SYTL2: variants seen among roughly 807,000 people sequenced by gnomAD.
SYTL2 encodes synaptotagmin-like protein 2.
In SYTL2, 165 loss-of-function variants were observed where a neutral mutation model predicts 198.7. That is an observed-to-expected ratio of 0.83 (90% CI 0.73 to 0.94). The LOEUF (loss-of-function observed/expected upper bound fraction) is 0.94, where lower values mean the gene tolerates loss of function less well. Ranked by LOEUF, SYTL2 falls within the 40% of genes least tolerant of loss-of-function variation. The pLI, the probability that SYTL2 is intolerant of heterozygous loss-of-function variation, is 0.00. For synonymous variants in SYTL2, 966 were observed against 917.7 expected (o/e 1.05, Z -0.95); for missense variants, 2,835 against 2,582.8 (o/e 1.10, Z -2.12).
chr11:85,851,510 T>C, the SYTL2 span, among the ~76,000 whole-genome samples: 14 of 152,224 alleles, frequency 9.2e-5, no homozygotes, highest in Non-Finnish European at 1.8e-4. Context: ...TTTGGCTTCT[T>C]CTACTATAGA....
In SYTL2 at chr11:85,727,934, G is replaced by A. The variant is rs546431644; in HGVS notation, c.1424C>T (p.Ser475Phe). ...TCTAGAACTGCCACCTGGCACCTGA[G>A]ATGGCTCAGGCTCAACACAATGAGA... ...ELSHCVEPEPSQVPGGSSRDR... is the reference protein window; with the variant it reads ...ELSHCVEPEPFQVPGGSSRDR... Residue 475 changes from serine (S) to phenylalanine (F), a missense_variant, in exon 8 of 20, where the codon TCT becomes TTT. Coordinates refer to ENST00000359152, the MANE Select transcript of SYTL2 (RefSeq NM_206927.4). 3 of 1,612,956 alleles carry A rather than the reference G, an allele frequency of 1.9e-6. No individual in the cohort carries two copies. The highest frequency in any genetic ancestry group is 1.7e-4 in the Middle Eastern group (1 of 6,042).
chr11:85,828,203 G>A, the SYTL2 span, among the ~76,000 whole-genome samples: 1 of 152,122 alleles, frequency 6.6e-6, no homozygotes, highest in East Asian at 1.9e-4. Flanking sequence ...GTCACTCCCA[G>A]AAGACTTATC....
chr11:85,737,944 G>T (rs1380947803), intron 4 of SYTL2, among the ~76,000 whole-genome samples: 19 of 152,160 alleles, frequency 1.2e-4, no homozygotes, highest in Non-Finnish European at 1.5e-5. Context: ...GCCCTGGGTG[G>T]GGAGAGGAAC....
chr11:85,791,629 T>A (rs1221269330), intron 1 of SYTL2, among the ~76,000 whole-genome samples: 4 of 152,168 alleles, frequency 2.6e-5, no homozygotes, highest in African/African-American at 9.7e-5. Context: ...TGTACTACTA[T>A]CCATTGTGAA....
intron 1 of SYTL2, among the ~76,000 whole-genome samples, chr11:85,787,700 CCTT>C (rs1328765859): frequency 1.6e-3 from 177 of 107,440 alleles, no homozygotes; most frequent in Non-Finnish European, 2.7e-3. Flanking sequence ...TTTTTCTTTT[CCTT>C]TTTTTTTTTT....
At chr11:85,749,457 T>C (rs922261623) in intron 2 of SYTL2, among the ~76,000 whole-genome samples, 2 of 152,256 alleles carry the variant, frequency 1.3e-5, no homozygotes, top group South Asian at 4.1e-4. Flanking sequence ...GCCAAGGTGG[T>C]AGCAGCGCTG....
intron 1 of SYTL2, among the ~76,000 whole-genome samples, chr11:85,769,943 C>T (rs1455115429): frequency 2.0e-5 from 3 of 152,162 alleles, no homozygotes; most frequent in Non-Finnish European, 4.4e-5. Flanking sequence ...CCCCTAACAA[C>T]CTCCACCTGG....
At chr11:85,841,501 A>G in the SYTL2 span, among the ~76,000 whole-genome samples, 1 of 152,240 alleles carries the variant, frequency 6.6e-6, no homozygotes, top group Admixed American at 6.5e-5. Context: ...AAGGAAGAAT[A>G]AGATCTTGTC....
chr11:85,756,964 C>T (rs1565992014), intron 2 of SYTL2, among the ~76,000 whole-genome samples: 2 of 152,328 alleles, frequency 1.3e-5, no homozygotes, highest in East Asian at 3.9e-4. Context: ...CAGTAAATGG[C>T]AGGGCCTGGA....
the SYTL2 span, among the ~76,000 whole-genome samples, chr11:85,841,990 TA>T: frequency 6.6e-6 from 1 of 152,240 alleles, no homozygotes. Context: ...TTTATTCATT[TA>T]TCCAAACATT....
chr11:85,763,209 G>A (rs1023259503), intron 1 of SYTL2, among the ~76,000 whole-genome samples: 6 of 152,278 alleles, frequency 3.9e-5, no homozygotes, highest in East Asian at 1.9e-4. Context: ...TCAGGACACC[G>A]CAGAGGACAA....
intron 1 of SYTL2, among the ~76,000 whole-genome samples, chr11:85,794,381 A>G (rs772828306): frequency 4.0e-5 from 6 of 151,458 alleles, no homozygotes; most frequent in African/African-American, 1.2e-4. Context: ...GGTTCTCCCT[A>G]TGTTTCCAGG....
chr11:85,719,298 A>C, intron 9 of SYTL2: 1 of 1,162,292 alleles, frequency 8.6e-7, no homozygotes, highest in South Asian at 1.8e-5. Flanking sequence ...GAAGAGATGT[A>C]ACTGGGGACC....
chr11:85,782,351 C>T (rs2092574463), intron 1 of SYTL2, among the ~76,000 whole-genome samples: 2 of 152,184 alleles, frequency 1.3e-5, no homozygotes, highest in African/African-American at 4.8e-5. Flanking sequence ...GGGCCCTGGA[C>T]CCAGCCCAGG....
In SYTL2 at chr11:85,799,647, G is replaced by C. The variant is rs554429929; in HGVS notation, c.-390+11307C>G. Among the ~76,000 whole-genome samples the C allele has an allele frequency of 2.6e-5, 4 of 152,230 alleles. No homozygotes were observed. The East Asian group carries it at 7.7e-4, about 29-fold the overall frequency. ...ACCATGCTTGCCATGCTATTTCCCAGCCTTTTGACCTTCTGATTCTTATTC... is the reference window on the plus strand; with the variant it reads ...ACCATGCTTGCCATGCTATTTCCCACCCTTTTGACCTTCTGATTCTTATTC... On this transcript the variant is annotated intron_variant, in intron 1 of 19. Coordinates refer to ENST00000359152, the MANE Select transcript of SYTL2 (RefSeq NM_206927.4).
rs192734927 is a variant in SYTL2, at chr11:85,775,392, T to C, written c.-389-17278A>G. ...CTCCCATTTGTACAATGTTGGGGGT[T>C]TACACTGTACTGTAGCACACGTACT... On this transcript the variant is annotated intron_variant, in intron 1 of 19. Coordinates refer to ENST00000359152, the MANE Select transcript of SYTL2 (RefSeq NM_206927.4). Among the ~76,000 whole-genome samples, 105 of 152,274 alleles carry C rather than the reference T, an allele frequency of 6.9e-4. 1 individual carries two copies. Among genetic ancestry groups the C allele is most frequent in the African/African-American group, 2.4e-3 (101 of 41,558 alleles).
At chr11:85,793,270 C>T (rs1225929838) in intron 1 of SYTL2, among the ~76,000 whole-genome samples, 2 of 151,994 alleles carry the variant, frequency 1.3e-5, no homozygotes, top group Non-Finnish European at 2.9e-5. Context: ...TCCTATTTCT[C>T]CACATCCTCT....
the SYTL2 span, among the ~76,000 whole-genome samples, chr11:85,823,787 A>C: frequency 6.6e-6 from 1 of 152,334 alleles, no homozygotes; most frequent in South Asian, 2.1e-4. Context: ...TTAAGATTTT[A>C]CTCCGGGTTA....
intron 8 of SYTL2, among the ~76,000 whole-genome samples, chr11:85,723,707 CT>C (rs2088685405): frequency 6.6e-6 from 1 of 152,158 alleles, no homozygotes; most frequent in Non-Finnish European, 1.5e-5. Flanking sequence ...GAGAAGTCAA[CT>C]CAGACTCTGA....
Sources: gnomAD v4.1 joint callset for allele counts (sites outside exome capture counted in the v4.1 genomes callset) on GRCh38, gnomAD v4.1.1 for gene constraint, MANE v1.5 for transcripts, NCBI Gene and HGNC (gene_info 2026-07-23, HGNC 2026-07-21) for gene names.